RPL5: variants seen among roughly 807,000 people sequenced by gnomAD.
RPL5 encodes the protein ribosomal protein L5.
RPL5 carries 1 observed loss-of-function variant against 38.4 expected under a neutral mutation model. The ratio of observed to expected loss-of-function variants is 0.03; its 90% CI spans 0.01 to 0.12. RPL5 has a LOEUF of 0.12. RPL5 is among the 10% of genes least tolerant of loss of function. The pLI, the probability that RPL5 is intolerant of heterozygous loss-of-function variation, is 1.00. For synonymous variants in RPL5, 109 were observed against 121.2 expected, an observed-to-expected ratio of 0.90 and a Z score of 0.66; for missense variants, 243 against 374.1, an observed-to-expected ratio of 0.65 and a Z score of 2.89.
At chr1:92,841,127 TAA>T (rs1288200804) in intron 7 of RPL5, among the ~76,000 whole-genome samples, 2 of 152,210 alleles carry the variant, frequency 1.3e-5, no homozygotes, top group East Asian at 3.8e-4. Flanking sequence ...GCAATAGAAC[TAA>T]AAACAAAATC....
At chr1:92,835,452 A>C (rs1687080759) in intron 4 of RPL5, among the ~76,000 whole-genome samples, 2 of 151,572 alleles carry the variant, frequency 1.3e-5, no homozygotes, top group Non-Finnish European at 2.9e-5. Context: ...CAGGAGTTTG[A>C]GACTAGCCTG....
chr1:92,838,827 G>A (rs963517910), intron 6 of RPL5, among the ~76,000 whole-genome samples: 1 of 152,196 alleles, frequency 6.6e-6, no homozygotes, highest in African/African-American at 2.4e-5. Context: ...GCTAAAAGAG[G>A]TAGGGAAATT....
intron 4 of RPL5, 79 bp downstream of exon 4, chr1:92,834,992 A>G: frequency 6.3e-7 from 1 of 1,583,252 alleles, no homozygotes; most frequent in Non-Finnish European, 8.6e-7. Flanking sequence ...TTGTACATGG[A>G]TAAGATAGCT....
chr1:92,836,409 A>T lies in RPL5; in HGVS notation c.527+17A>T, dbSNP rs1687128017. On this transcript the variant is annotated intron_variant, in intron 5 of 7. Coordinates refer to ENST00000370321, the MANE Select transcript of RPL5 (RefSeq NM_000969.5). ...CCCTCACAGGTAAGAATACTATTTA[A>T]GACCTTGGTGCCTGGACCGTGGTAC... The T allele has an allele frequency of 1.2e-6, 2 of 1,610,146 alleles. No homozygotes were observed. Among genetic ancestry groups the T allele is most frequent in the African/African-American group, 2.7e-5 (2 of 74,964 alleles).
At chr1:92,836,456 G>C (rs1687131984) in intron 5 of RPL5, 64 bp downstream of exon 5, 2 of 1,436,346 alleles carry the variant, frequency 1.4e-6, no homozygotes, top group African/African-American at 2.8e-5. Flanking sequence ...TAACTAGTTG[G>C]ACTGTGGAGA....
intron 4 of RPL5, 71 bp downstream of exon 4, chr1:92,834,984 G>C (rs1479947886): frequency 1.3e-6 from 2 of 1,590,992 alleles, no homozygotes; most frequent in Admixed American, 3.3e-5. Context: ...CAAGATGTTT[G>C]TACATGGATA....
intron 7 of RPL5, among the ~76,000 whole-genome samples, chr1:92,841,378 C>G (rs1687357037): frequency 6.6e-6 from 1 of 152,178 alleles, no homozygotes; most frequent in Non-Finnish European, 1.5e-5. Flanking sequence ...GGGTAATAAT[C>G]CATTATGTAT....
At chr1:92,833,837 A>T (rs80136914) in intron 3 of RPL5, 177 bp downstream of exon 3, 1 of 615,516 alleles carries the variant, frequency 1.6e-6, no homozygotes. Context: ...ACTTTAAAAA[A>T]TGCTCTTGGT....
chr1:92,836,059 T>TGA, intron 4 of RPL5, 131 bp from the exon 5 acceptor site: 1 of 791,170 alleles, frequency 1.3e-6, no homozygotes, highest in Non-Finnish European at 2.3e-6. Flanking sequence ...GTGGATCTGG[T>TGA]GAAAGGGTGG....
At chr1:92,836,840 G>A (rs1687150903) in intron 5 of RPL5, 1 of 206,468 alleles carries the variant, frequency 4.8e-6, no homozygotes, top group South Asian at 7.6e-5. Flanking sequence ...TAAGATTGTA[G>A]GCCATTTTGG....
At chr1:92,833,979 G>A (rs1196471808) in intron 3 of RPL5, 4 of 351,274 alleles carry the variant, frequency 1.1e-5, no homozygotes, top group East Asian at 7.2e-5. Flanking sequence ...ATGGCGGGGC[G>A]CACCTGTAGT....
chr1:92,833,894 C>A (rs1687014164), intron 3 of RPL5: 2 of 525,436 alleles, frequency 3.8e-6, no homozygotes, highest in Admixed American at 6.5e-5. Context: ...TTGCTTGAGC[C>A]CAGGAGTTTG....
At chr1:92,832,289 G>C (rs911475384) in intron 1 of RPL5, 172 bp downstream of exon 1, 1 of 1,042,748 alleles carries the variant, frequency 9.6e-7, no homozygotes, top group Non-Finnish European at 1.4e-6. Context: ...GCTGCCGCCC[G>C]GTGCGCGAAC....
Position 92,832,942 on chromosome 1 carries a change from A to G in RPL5, c.4-447A>G, listed in dbSNP as rs556666585. ...TGAGGCTAGGTTTTCGAAGTGGGAC[A>G]TAGCGTGTTCCGAACAAACCGACGT... On this transcript the variant is annotated intron_variant, in intron 1 of 7. Coordinates refer to ENST00000370321, the MANE Select transcript of RPL5 (RefSeq NM_000969.5). 9.5e-5 allele frequency: 67 copies of G among 705,302 alleles called. 1 individual carries two copies. The highest frequency in any genetic ancestry group is 9.1e-4 in the South Asian group (61 of 66,820). 43.7% of individuals were successfully genotyped at this position (705,302 alleles called of 1,614,324 possible). A position where few individuals can be genotyped will look rare whatever the true frequency, so the allele number is the denominator to read the frequency against.
intron 7 of RPL5, 171 bp downstream of exon 7, chr1:92,840,810 C>T (rs771382221): frequency 9.6e-6 from 7 of 728,772 alleles, no homozygotes; most frequent in South Asian, 9.5e-5. Flanking sequence ...ATGTGTTAGC[C>T]TCAGACACTA....
intron 6 of RPL5, among the ~76,000 whole-genome samples, chr1:92,839,031 C>CTTTTT (rs35078348): frequency 1.7e-5 from 2 of 118,280 alleles, no homozygotes; most frequent in Non-Finnish European, 1.7e-5. Flanking sequence ...AGAGTTGCAG[C>CTTTTT]TTTTTTTTTT....
chr1:92,833,125 G>T, intron 1 of RPL5: 1 of 679,590 alleles, frequency 1.5e-6, no homozygotes, highest in Non-Finnish European at 2.7e-6. Context: ...GTAATAAATT[G>T]GGGCCTGCAT....
intron 3 of RPL5, 115 bp downstream of exon 3, chr1:92,833,775 G>T: frequency 1.2e-6 from 1 of 809,384 alleles, no homozygotes. Flanking sequence ...AAAGCATCCA[G>T]TGAATAATTT....
In RPL5 at chr1:92,833,386, A is replaced by C. The variant is rs1686990260; in HGVS notation, c.4-3A>C. The stretch of plus-strand genomic sequence containing the variant: ...GTTTTAATAACATTCTTTTTTCTTT[A>C]AGGGGTTTGTTAAAGTTGTTAAGAA... On this transcript the variant is annotated splice_polypyrimidine_tract_variant and splice_region_variant and intron_variant, in intron 1 of 7. Coordinates refer to ENST00000370321, the MANE Select transcript of RPL5 (RefSeq NM_000969.5). The C allele has an allele frequency of 6.2e-7, 1 of 1,606,736 alleles. No homozygotes were observed. Among genetic ancestry groups the C allele is most frequent in the Admixed American group, 1.7e-5 (1 of 59,982 alleles).
Sources: allele counts gnomAD v4.1 joint callset (sites outside exome capture counted in the v4.1 genomes callset), GRCh38; gene constraint gnomAD v4.1.1; transcripts MANE v1.5; gene names NCBI Gene and HGNC (gene_info 2026-07-23, HGNC 2026-07-21).